The following KCNU1 variants were observed in gnomAD, a reference collection of about 807,000 sequenced individuals.
KCNU1 encodes the protein potassium channel subfamily U member 1.
Under a neutral mutation model 126.8 loss-of-function variants are expected in KCNU1, and 93 were observed. That is an observed-to-expected ratio of 0.73 (90% CI 0.62 to 0.87). KCNU1 has a LOEUF of 0.87. Among genes scored for constraint, KCNU1 ranks in the 40% least tolerant of loss-of-function variants. KCNU1 has a pLI of 0.00. For missense variants in KCNU1, 1,330 were observed against 1,367.1 expected (o/e 0.97, Z 0.43); for synonymous variants, 523 against 494.2 (o/e 1.06, Z -0.77).
In KCNU1 at chr8:36,923,142, T is replaced by A. The variant is rs140802212; in HGVS notation, c.2736+513T>A. The A allele has an allele frequency of 1.8e-3, 785 of 448,012 alleles. 6 individuals are homozygous for A. Among genetic ancestry groups the A allele is most frequent in the African/African-American group, 0.014 (721 of 49,856 alleles). 27.8% of individuals were successfully genotyped at this position (448,012 alleles called of 1,614,324 possible). On this transcript the variant is annotated intron_variant, in intron 24 of 26. Coordinates refer to ENST00000399881, the MANE Select transcript of KCNU1 (RefSeq NM_001031836.3). The stretch of plus-strand genomic sequence containing the variant: ...TGGTTATTCTTTAGTTTTCAGCACC[T>A]CTTTAGCCACCTGGCAGACCTTTTC...
At chr8:36,861,846 G>A (rs1021298772) in intron 18 of KCNU1, among the ~76,000 whole-genome samples, 2 of 152,154 alleles carry the variant, frequency 1.3e-5, no homozygotes, top group Middle Eastern at 3.2e-3. Context: ...GTCCTATCAC[G>A]TATTCCAGAA....
chr8:36,879,450 G>T (rs1806396966), intron 19 of KCNU1, among the ~76,000 whole-genome samples: 1 of 151,870 alleles, frequency 6.6e-6, no homozygotes, highest in African/African-American at 2.4e-5. Flanking sequence ...TTGCAGAATT[G>T]ATTGAATAAA....
At chr8:36,791,920 A>G (rs184753322) in intron 2 of KCNU1, among the ~76,000 whole-genome samples, 23 of 152,266 alleles carry the variant, frequency 1.5e-4, no homozygotes, top group Admixed American at 1.2e-3. Flanking sequence ...TATTGAATAT[A>G]CCATCAAGCA....
chr8:36,893,557 T>C (rs916064650), intron 19 of KCNU1, among the ~76,000 whole-genome samples: 19 of 152,052 alleles, frequency 1.2e-4, no homozygotes, highest in African/African-American at 3.4e-4. Context: ...ATTTTTTCTC[T>C]CTGGTGGCTG....
rs28670015 is a variant in KCNU1 at position 36,918,591 on chromosome 8, C to A, written c.2522-232C>A. Among the ~76,000 whole-genome samples the A allele has an allele frequency of 2.7e-5, 4 of 150,836 alleles. No homozygotes were observed. The East Asian group carries it at 5.9e-4, about 22-fold the overall frequency. On this transcript the variant is annotated intron_variant, in intron 22 of 26. Coordinates refer to ENST00000399881, the MANE Select transcript of KCNU1 (RefSeq NM_001031836.3). Reference sequence around the variant, plus strand: ...AAAGAAAAAAGAAAAGAAGAAAGACCCCCCCACCACACACACACACATACA... The same window carrying A: ...AAAGAAAAAAGAAAAGAAGAAAGACACCCCCACCACACACACACACATACA...
intron 17 of KCNU1, 23 bp from the exon 18 acceptor site, chr8:36,845,779 C>T: frequency 1.3e-6 from 2 of 1,559,976 alleles, no homozygotes; most frequent in Non-Finnish European, 1.8e-6. Context: ...ATAATTCATT[C>T]TTGGTTTTCT....
intron 19 of KCNU1, among the ~76,000 whole-genome samples, chr8:36,887,145 T>G (rs1381424326): frequency 6.6e-6 from 1 of 152,172 alleles, no homozygotes; most frequent in Non-Finnish European, 1.5e-5. Context: ...TTACTTATAT[T>G]GCCTTTGGGT....
intron 24 of KCNU1, chr8:36,928,794 C>T (rs763017975): frequency 5.3e-5 from 27 of 505,960 alleles, no homozygotes; most frequent in Non-Finnish European, 8.7e-5. Context: ...TGAAGGAGCA[C>T]ATCATCTTCA....
chr8:36,879,681 T>A (rs1806403435), intron 19 of KCNU1, among the ~76,000 whole-genome samples: 1 of 152,114 alleles, frequency 6.6e-6, no homozygotes, highest in South Asian at 2.1e-4. Context: ...TTCTGTGATC[T>A]GTAGGAATAA....
At chr8:36,821,015 C>T (rs930605170) in intron 10 of KCNU1, among the ~76,000 whole-genome samples, 7 of 152,138 alleles carry the variant, frequency 4.6e-5, no homozygotes, top group African/African-American at 1.4e-4. Flanking sequence ...CAACAGAATT[C>T]TGCTTCAAAC....
intron 10 of KCNU1, among the ~76,000 whole-genome samples, chr8:36,822,352 G>A (rs1487039316): frequency 2.0e-5 from 3 of 151,976 alleles, no homozygotes; most frequent in Non-Finnish European, 2.9e-5. Context: ...TGTAAATGAT[G>A]CCATCTTGGA....
intron 19 of KCNU1, among the ~76,000 whole-genome samples, chr8:36,879,175 A>C (rs1377672581): frequency 7.2e-6 from 1 of 139,672 alleles, no homozygotes; most frequent in African/African-American, 2.6e-5. Flanking sequence ...TACTTGTGCA[A>C]TTCAGGCATA....
chr8:36,805,614 T>C (rs550756676), intron 4 of KCNU1, among the ~76,000 whole-genome samples: 1 of 152,288 alleles, frequency 6.6e-6, no homozygotes, highest in Non-Finnish European at 1.5e-5. Flanking sequence ...TCTGGAGATG[T>C]CCTTAGCTCC....
chr8:36,894,338 G>A lies in KCNU1; in HGVS notation c.2010-11370G>A, dbSNP rs1338774538. On this transcript the variant is annotated intron_variant, in intron 19 of 26. Coordinates refer to ENST00000399881, the MANE Select transcript of KCNU1 (RefSeq NM_001031836.3). ...AATTTTAAAAGAACATCTTAGCACA[G>A]CAGAATTTGTAATCAAAGTTTGTTT... 2.0e-5 allele frequency among the ~76,000 whole-genome samples: 3 copies of A among 152,108 alleles called. No individual in the cohort carries two copies. In the East Asian group the frequency reaches 5.8e-4, roughly 29 times the overall value.
At chr8:36,798,133 G>A (rs1220361020) in intron 2 of KCNU1, among the ~76,000 whole-genome samples, 2 of 152,038 alleles carry the variant, frequency 1.3e-5, no homozygotes, top group East Asian at 3.9e-4. Context: ...ACTGCCACAA[G>A]CAGCTCACAG....
chr8:36,935,510 T>TA lies in KCNU1; in HGVS notation c.3045-4dup, dbSNP rs758483452. 6 of 1,582,894 alleles carry TA rather than the reference T, an allele frequency of 3.8e-6. No homozygotes were observed. In the Admixed American group the frequency reaches 1.0e-4, roughly 28 times the overall value. ...CTCAGCATTTATCTTTGACTTGTCT[T>TA]ACAGGTTTGTGATCACCCGGCCAGC... is the stretch of plus-strand genomic sequence containing the variant. On this transcript the variant is annotated splice_region_variant and splice_polypyrimidine_tract_variant and intron_variant, in intron 26 of 26. Coordinates refer to ENST00000399881, the MANE Select transcript of KCNU1 (RefSeq NM_001031836.3).
chr8:36,923,513 G>T (rs1808436348), intron 24 of KCNU1, among the ~76,000 whole-genome samples: 1 of 152,138 alleles, frequency 6.6e-6, no homozygotes, highest in Admixed American at 6.5e-5. Context: ...GCATTCAGAA[G>T]CAGTGAGGTG....
intron 18 of KCNU1, among the ~76,000 whole-genome samples, chr8:36,858,612 T>G (rs1805619068): frequency 6.6e-6 from 1 of 152,202 alleles, no homozygotes. Flanking sequence ...ATGCATATGC[T>G]TCTGTCATTC....
intron 7 of KCNU1, among the ~76,000 whole-genome samples, chr8:36,812,401 G>T (rs1411748132): frequency 6.8e-6 from 1 of 148,042 alleles, no homozygotes; most frequent in Non-Finnish European, 1.5e-5. Context: ...AAAAAAAGTA[G>T]TGGTAATGAT....
Sources: gnomAD v4.1 joint callset for allele counts (sites outside exome capture counted in the v4.1 genomes callset) on GRCh38, gnomAD v4.1.1 for gene constraint, MANE v1.5 for transcripts, NCBI Gene and HGNC (gene_info 2026-07-23, HGNC 2026-07-21) for gene names.